The following MTERF4 variants were observed in gnomAD, a reference collection of about 807,000 sequenced individuals.
MTERF4 encodes the protein transcription termination factor 4, mitochondrial.
In MTERF4, 17 loss-of-function variants were observed where a neutral mutation model predicts 22.5. The ratio of observed to expected loss-of-function variants is 0.75; its 90% CI spans 0.52 to 1.13. MTERF4 has a LOEUF of 1.13. MTERF4 is among the 50% of genes most tolerant of loss of function. The probability of loss-of-function intolerance (pLI) is 0.00; values close to 1 mark genes in which losing one functional copy is unlikely to be tolerated. For synonymous variants in MTERF4, 165 were observed against 175.3 expected (o/e 0.94, Z 0.47); for missense variants, 420 against 466.8 (o/e 0.90, Z 0.92).
the MTERF4 span, chr2:241,051,326 A>C: frequency 5.8e-6 from 1 of 171,500 alleles, no homozygotes; most frequent in Non-Finnish European, 1.2e-5. The surrounding 1 kb of genome is among the most constrained non-coding windows in gnomAD (Gnocchi z 4.7). Flanking sequence ...CAGGTACAGA[A>C]CACACAGAAA....
chr2:241,081,513 C>A (rs540777473), intron 4 of MTERF4, among the ~76,000 whole-genome samples: 20 of 152,370 alleles, frequency 1.3e-4, no homozygotes, highest in African/African-American at 4.8e-4. Flanking sequence ...TGAACTGGGA[C>A]CACGCTCTAG....
the MTERF4 span, chr2:241,048,869 A>G: frequency 4.1e-6 from 5 of 1,215,454 alleles, no homozygotes; most frequent in African/African-American, 4.5e-5. Flanking sequence ...ACTGTCGACC[A>G]TTGGTTCTAC....
At chr2:241,058,964 C>T in the MTERF4 span, among the ~76,000 whole-genome samples, 1 of 151,284 alleles carries the variant, frequency 6.6e-6, no homozygotes, top group Non-Finnish European at 1.5e-5. Context: ...AAAAAAAAAT[C>T]ATTAACATTG....
downstream of MTERF4, chr2:241,094,596 C>T (rs775029000): frequency 1.1e-5 from 4 of 352,494 alleles, no homozygotes; most frequent in Non-Finnish European, 2.2e-5. This position sits in a 1 kb window ranked among gnomAD's most constrained non-coding sequence, Gnocchi z 4.3. Flanking sequence ...AGTCCATTTA[C>T]CATCTGAAGT....
chr2:241,089,477 T>C (rs960187158), downstream of MTERF4: 12 of 1,518,804 alleles, frequency 7.9e-6, no homozygotes, highest in African/African-American at 1.4e-4. Context: ...CCACACCCCC[T>C]TGGGGGAAAG....
chr2:241,052,365 C>G, the MTERF4 span: 2 of 1,575,582 alleles, frequency 1.3e-6, no homozygotes, highest in Non-Finnish European at 1.7e-6. Flanking sequence ...CCCCCTCCCC[C>G]TGCTTCCGGA....
At chr2:241,080,302 C>A (rs2063271062) in intron 4 of MTERF4, among the ~76,000 whole-genome samples, 1 of 151,952 alleles carries the variant, frequency 6.6e-6, no homozygotes, top group Admixed American at 6.6e-5. Context: ...TAAATAAAAT[C>A]TTGTTTGTCT....
At chr2:241,087,688 T>C, downstream of MTERF4, 4 of 1,369,498 alleles carry the variant, frequency 2.9e-6, no homozygotes, top group Non-Finnish European at 3.8e-6. Context: ...CAGCCGGGCA[T>C]GCTGGGTGCT....
At chr2:241,068,440 C>T (rs116709797), downstream of MTERF4, among the ~76,000 whole-genome samples, 2,376 of 152,042 alleles carry the variant, frequency 0.016, 48 homozygotes, top group African/African-American at 0.054. The surrounding 1 kb of genome is among the most constrained non-coding windows in gnomAD (Gnocchi z 5.3). Flanking sequence ...GCTTCCGAAT[C>T]GTGCTCAGCG....
chr2:241,054,818 A>G, the MTERF4 span, among the ~76,000 whole-genome samples: 2 of 151,804 alleles, frequency 1.3e-5, no homozygotes, highest in African/African-American at 4.9e-5. Flanking sequence ...ATAAATAAAT[A>G]AAAAAGAAAA....
At chr2:241,088,477 C>A, downstream of MTERF4, 1 of 1,204,676 alleles carries the variant, frequency 8.3e-7, no homozygotes, top group Non-Finnish European at 1.2e-6. Flanking sequence ...GCCCCGGGAT[C>A]TCAGAGTGCC....
Position 241,097,351 on chromosome 2 carries a change from C to G in MTERF4, c.597G>C (p.Arg199Ser), listed in dbSNP as rs1224865071. Residue 199 changes from arginine (R) to serine (S), a missense_variant, in exon 3 of 4, where the codon AGG (arginine) becomes AGC (serine). Arg to Ser is a moderately radical substitution (Grantham distance 110, BLOSUM62 -1). Coordinates refer to ENST00000391980, the MANE Select transcript of MTERF4 (RefSeq NM_182501.4). ...TGAAAAGGCACTTCTCCTTGAGAAG[C>G]CTGACAGTGTCGTTAATGTCCTGCT... ...MRQQDINDTV[R>S]LLKEKCLFTV... 6.8e-6 allele frequency: 11 copies of G among 1,614,190 alleles called. No individual in the cohort carries two copies. Among genetic ancestry groups the G allele is most frequent in the South Asian group, 1.1e-5 (1 of 91,084 alleles).
the MTERF4 span, chr2:241,049,803 TC>T: frequency 7.5e-6 from 12 of 1,603,994 alleles, no homozygotes; most frequent in South Asian, 1.1e-5. Flanking sequence ...CCACCCTCTG[TC>T]CCCCGCCCCC....
the MTERF4 span, among the ~76,000 whole-genome samples, chr2:241,043,658 T>C: frequency 3.3e-5 from 5 of 152,148 alleles, no homozygotes; most frequent in African/African-American, 1.2e-4. Context: ...ATAATAAAAC[T>C]TACATGCAGA....
chr2:241,070,107 GC>G (rs1246652118), downstream of MTERF4: 1 of 1,612,882 alleles, frequency 6.2e-7, no homozygotes, highest in Admixed American at 1.7e-5. Flanking sequence ...GCGACCTGCT[GC>G]CGGGACGGCG....
At chr2:241,056,942 A>G in the MTERF4 span, among the ~76,000 whole-genome samples, 2 of 152,226 alleles carry the variant, frequency 1.3e-5, no homozygotes, top group Non-Finnish European at 2.9e-5. Flanking sequence ...AAACAGGCAA[A>G]CAAGCACATA....
the MTERF4 span, among the ~76,000 whole-genome samples, chr2:241,062,234 G>C: frequency 6.6e-6 from 1 of 152,130 alleles, no homozygotes; most frequent in Non-Finnish European, 1.5e-5. Flanking sequence ...GTACACGGTC[G>C]GATGAGCCCA....
downstream of MTERF4, among the ~76,000 whole-genome samples, chr2:241,086,690 G>T (rs2063596255): frequency 6.6e-6 from 1 of 152,148 alleles, no homozygotes; most frequent in Non-Finnish European, 1.5e-5. Context: ...ACAGGTTTTC[G>T]ATCCTAAAGG....
At chr2:241,088,794 G>A, downstream of MTERF4, 1 of 252,748 alleles carries the variant, frequency 4.0e-6, no homozygotes, top group Non-Finnish European at 7.5e-6. Flanking sequence ...CGGGCAGCGG[G>A]AGGGCCTGGG....
Sources: allele counts gnomAD v4.1 joint callset (sites outside exome capture counted in the v4.1 genomes callset), GRCh38; gene constraint gnomAD v4.1.1; non-coding constraint Gnocchi (gnomAD v3.1); transcripts MANE v1.5; gene names NCBI Gene and HGNC (gene_info 2026-07-23, HGNC 2026-07-21).